Variants in MED19 observed in about 807,000 individuals in gnomAD.
The protein encoded by MED19 is mediator complex subunit 19.
Under a neutral mutation model 19.9 loss-of-function variants are expected in MED19, and 4 were observed. The observed-to-expected ratio is 0.20, with a 90% CI of 0.10 to 0.46. The LOEUF (loss-of-function observed/expected upper bound fraction) is 0.46, where lower values mean the gene tolerates loss of function less well. Among genes scored for constraint, MED19 ranks in the 20% least tolerant of loss-of-function variants. The pLI, the probability that MED19 is intolerant of heterozygous loss-of-function variation, is 0.99. For synonymous variants in MED19, 139 were observed against 119.6 expected (o/e 1.16, Z -1.06); for missense variants, 303 against 318.7 (o/e 0.95, Z 0.38).
At chr11:57,705,689 A>G (rs1233553333) in intron 1 of MED19, among the ~76,000 whole-genome samples, 4 of 151,892 alleles carry the variant, frequency 2.6e-5, no homozygotes, top group Non-Finnish European at 5.9e-5. Context: ...AAATAACATG[A>G]AAAGTATAAT....
intron 3 of MED19, 92 bp from the exon 4 acceptor site, chr11:57,704,488 G>A: frequency 6.4e-7 from 1 of 1,561,782 alleles, no homozygotes; most frequent in Non-Finnish European, 8.6e-7. Context: ...CCCAAGTCGG[G>A]GCAACTGCTT....
intron 1 of MED19, among the ~76,000 whole-genome samples, chr11:57,706,161 T>C (rs1009064155): frequency 1.3e-5 from 2 of 152,178 alleles, no homozygotes; most frequent in Non-Finnish European, 2.9e-5. Flanking sequence ...TTTTTTGTTT[T>C]TGAGACGGGA....
At chr11:57,711,036 T>C (rs1946578812) in intron 1 of MED19, among the ~76,000 whole-genome samples, 3 of 152,192 alleles carry the variant, frequency 2.0e-5, no homozygotes, top group African/African-American at 7.2e-5. Context: ...TTAACCACTT[T>C]CTGACATTAT....
intron 2 of MED19, 57 bp downstream of exon 2, chr11:57,704,916 A>G: frequency 6.2e-7 from 1 of 1,604,126 alleles, no homozygotes; most frequent in Non-Finnish European, 8.5e-7. Flanking sequence ...CTTGGAGAGA[A>G]AAACCATCTC....
Position 57,704,715 on chromosome 11 carries a change from T to C in MED19, c.571+4A>G. The C allele has an allele frequency of 6.3e-7, 1 of 1,592,272 alleles. No homozygotes were observed. Among genetic ancestry groups the C allele is most frequent in the Non-Finnish European group, 8.6e-7 (1 of 1,164,894 alleles). On this transcript the variant is annotated splice_donor_region_variant and intron_variant, in intron 3 of 4. Transcript: ENST00000431606. Reference sequence around the variant, plus strand: ...TTTTTGCTTTGAATAGAACTGCTTCTTACCTGGGGGGACAGGATCCTGGGT... The same window carrying C: ...TTTTTGCTTTGAATAGAACTGCTTCCTACCTGGGGGGACAGGATCCTGGGT...
chr11:57,704,944 A>T, intron 2 of MED19, 29 bp downstream of exon 2: 1 of 1,607,584 alleles, frequency 6.2e-7, no homozygotes, highest in African/African-American at 1.3e-5. Context: ...AGGCCTCCCC[A>T]TTTGCCTTCT....
chr11:57,705,646 T>A (rs1946500630), intron 1 of MED19, among the ~76,000 whole-genome samples: 1 of 145,240 alleles, frequency 6.9e-6, no homozygotes, highest in Admixed American at 6.9e-5. Context: ...AGCGAGACTC[T>A]GTCTCAAAAA....
At chr11:57,704,237 G>A in intron 4 of MED19, 65 bp downstream of exon 4, 1 of 1,528,654 alleles carries the variant, frequency 6.5e-7, no homozygotes, top group Non-Finnish European at 8.7e-7. Flanking sequence ...GAACTCTAGG[G>A]TATTTAGGAC....
chr11:57,704,256 G>C (rs1173120532), intron 4 of MED19, 46 bp downstream of exon 4: 2 of 1,529,918 alleles, frequency 1.3e-6, no homozygotes, highest in African/African-American at 2.8e-5. Context: ...ACAGGGGTGA[G>C]ATCTGGGGAA....
intron 1 of MED19, among the ~76,000 whole-genome samples, chr11:57,707,628 GGAGACCCAATGTCACA>G (rs1946523912): frequency 6.6e-6 from 1 of 152,136 alleles, no homozygotes; most frequent in South Asian, 2.1e-4. Context: ...GGTAATGGCA[GGAGACCCAATGTCACA>G]GTATCTCTCC....
At chr11:57,706,050 C>T (rs1402693461) in intron 1 of MED19, among the ~76,000 whole-genome samples, 1 of 151,088 alleles carries the variant, frequency 6.6e-6, no homozygotes, top group Non-Finnish European at 1.5e-5. Context: ...AAGAAAAGAA[C>T]TGGGAGATTT....
chr11:57,705,686 A>G (rs1946501352), intron 1 of MED19, among the ~76,000 whole-genome samples: 1 of 151,846 alleles, frequency 6.6e-6, no homozygotes, highest in African/African-American at 2.4e-5. Context: ...AGTAAATAAC[A>G]TGAAAAGTAT....
chr11:57,705,327 G>A, intron 1 of MED19, 98 bp from the exon 2 acceptor site: 1 of 1,336,898 alleles, frequency 7.5e-7, no homozygotes, highest in South Asian at 1.5e-5. Flanking sequence ...TTTTTTAAGT[G>A]CAGATTTTAA....
At chr11:57,710,642 GT>G (rs1014359221) in intron 1 of MED19, among the ~76,000 whole-genome samples, 1 of 151,806 alleles carries the variant, frequency 6.6e-6, no homozygotes, top group African/African-American at 2.4e-5. Context: ...TAGTTCAAAT[GT>G]TAGCTATGTG....
Position 57,704,399 on chromosome 11 carries a change from G to GT in MED19, c.572-4dup. 1 of 1,537,854 alleles carries GT rather than the reference G, an allele frequency of 6.5e-7. No homozygotes were observed. The highest frequency in any genetic ancestry group is 1.2e-5 in the South Asian group (1 of 83,502). On this transcript the variant is annotated splice_region_variant and splice_polypyrimidine_tract_variant and intron_variant, in intron 3 of 4. Transcript: ENST00000431606. Reference sequence around the variant, plus strand: ...GTGATCTGAATCAGATGGTGTTTCTGTAGGAGACATTAGGTACCTATCACC... The same window carrying GT: ...GTGATCTGAATCAGATGGTGTTTCTGTTAGGAGACATTAGGTACCTATCACC...
intron 1 of MED19, among the ~76,000 whole-genome samples, chr11:57,708,164 T>C (rs1946529078): frequency 6.6e-6 from 1 of 152,118 alleles, no homozygotes; most frequent in African/African-American, 2.4e-5. Context: ...GTTTTGAAAT[T>C]CCAAATCTTG....
At chr11:57,704,884 T>C (rs1946489539) in intron 2 of MED19, 69 bp from the exon 3 acceptor site, 1 of 1,607,906 alleles carries the variant, frequency 6.2e-7, no homozygotes, top group East Asian at 2.2e-5. Flanking sequence ...TCATCCATTC[T>C]GCTCCATTAT....
In MED19 at chr11:57,703,928, C is replaced by G. The variant is rs2135413061; in HGVS notation, c.*110G>C. 2.8e-6 allele frequency: 4 copies of G among 1,453,340 alleles called. No homozygotes were observed. In the South Asian group the frequency reaches 5.7e-5, roughly 21 times the overall value. 90.0% of individuals were successfully genotyped at this position (1,453,340 alleles called of 1,614,324 possible). ...AGCCCAACAGGAGCTGGCCTCTGTC[C>G]CAGCTGCAGGATGCTCCCAAGGCAG... On this transcript the variant is annotated 3_prime_UTR_variant, in exon 5 of 5. Coordinates refer to ENST00000431606, the Ensembl canonical transcript of MED19.
intron 1 of MED19, 41 bp from the exon 2 acceptor site, chr11:57,705,270 A>G (rs964231458): frequency 7.5e-6 from 12 of 1,601,904 alleles, no homozygotes; most frequent in African/African-American, 5.4e-5. Context: ...TCAGTCTTCA[A>G]AGTAGACCCA....
Sources: allele counts gnomAD v4.1 joint callset (sites outside exome capture counted in the v4.1 genomes callset), GRCh38; gene constraint gnomAD v4.1.1; transcripts MANE v1.5; gene names NCBI Gene and HGNC (gene_info 2026-07-23, HGNC 2026-07-21).